Variants in MAN1A1 observed in about 807,000 individuals in gnomAD.
MAN1A1 encodes the protein mannosyl-oligosaccharide 1,2-alpha-mannosidase IA.
In MAN1A1, 29 loss-of-function variants were observed where a neutral mutation model predicts 70.8. The observed-to-expected ratio is 0.41, with a 90% CI of 0.31 to 0.56. The LOEUF is 0.56. Ranked by LOEUF, MAN1A1 falls within the 20% of genes least tolerant of loss-of-function variation. MAN1A1 has a pLI of 0.29. For synonymous variants in MAN1A1, 349 were observed against 330.1 expected (o/e 1.06, Z -0.62); for missense variants, 747 against 841.3 (o/e 0.89, Z 1.39).
intron 8 of MAN1A1, among the ~76,000 whole-genome samples, chr6:119,197,340 T>C (rs1035004986): frequency 6.7e-6 from 1 of 150,024 alleles, no homozygotes; most frequent in Non-Finnish European, 1.5e-5. Context: ...GGCAAAAAGA[T>C]AGATCAGATA....
chr6:119,298,008 G>A (rs1282851752), intron 4 of MAN1A1, among the ~76,000 whole-genome samples: 1 of 151,892 alleles, frequency 6.6e-6, no homozygotes. Flanking sequence ...CTTAGCTAGG[G>A]TTCTCTGACT....
chr6:119,340,198 T>C (rs1267485073), intron 2 of MAN1A1, among the ~76,000 whole-genome samples: 1 of 152,170 alleles, frequency 6.6e-6, no homozygotes, highest in Non-Finnish European at 1.5e-5. Flanking sequence ...GCTTCCCTAA[T>C]CATTCCACAG....
intron 3 of MAN1A1, among the ~76,000 whole-genome samples, chr6:119,306,194 C>T (rs542354173): frequency 3.2e-4 from 49 of 152,236 alleles, no homozygotes; most frequent in African/African-American, 1.1e-3. Context: ...CATCCTGTTA[C>T]TTACAGACAA....
chr6:119,213,627 C>T (rs147236607), intron 6 of MAN1A1, among the ~76,000 whole-genome samples: 24 of 152,256 alleles, frequency 1.6e-4, no homozygotes, highest in Middle Eastern at 3.4e-3. Flanking sequence ...CTTGCGACAT[C>T]TTCTGTGTTT....
chr6:119,313,341 C>G (rs1772763643), intron 2 of MAN1A1, among the ~76,000 whole-genome samples: 1 of 152,090 alleles, frequency 6.6e-6, no homozygotes, highest in Admixed American at 6.5e-5. Flanking sequence ...TGAGCGAGGG[C>G]CACCTCCAGT....
rs572246140 is a variant in MAN1A1, at chr6:119,316,266, C to T, written c.604-9274G>A. On this transcript the variant is annotated intron_variant, in intron 2 of 12. Coordinates refer to ENST00000368468, the MANE Select transcript of MAN1A1 (RefSeq NM_005907.4). Reference sequence around the variant, plus strand: ...GATCTTGGCTCACTGCAATCTCCACCTCCCGCGTTCAAGCGATTGTCCTGC... The same window carrying T: ...GATCTTGGCTCACTGCAATCTCCACTTCCCGCGTTCAAGCGATTGTCCTGC... Among the ~76,000 whole-genome samples, 27 of 151,508 alleles carry T rather than the reference C, an allele frequency of 1.8e-4. 1 individual carries two copies. The South Asian group carries it at 5.6e-3, about 32-fold the overall frequency.
intron 5 of MAN1A1, among the ~76,000 whole-genome samples, chr6:119,271,935 C>G (rs2299884): frequency 0.48 from 72,222 of 151,948 alleles, 17,589 homozygotes; most frequent in East Asian, 0.74. Flanking sequence ...CAGACAAGTA[C>G]CTCGTATCCT....
chr6:119,190,429 G>A (rs1264839639), intron 9 of MAN1A1, among the ~76,000 whole-genome samples: 1 of 152,194 alleles, frequency 6.6e-6, no homozygotes, highest in Non-Finnish European at 1.5e-5. Flanking sequence ...TCTCTAATTT[G>A]TGGGAGTGAA....
intron 4 of MAN1A1, among the ~76,000 whole-genome samples, chr6:119,294,682 C>A (rs1159529385): frequency 6.6e-6 from 1 of 151,910 alleles, no homozygotes; most frequent in African/African-American, 2.4e-5. Context: ...TTGGTTAAGA[C>A]CAACCAATAA....
chr6:119,225,977 T>G (rs1774503444), intron 6 of MAN1A1, among the ~76,000 whole-genome samples: 1 of 152,176 alleles, frequency 6.6e-6, no homozygotes, highest in African/African-American at 2.4e-5. Flanking sequence ...GCAAATTATG[T>G]AGGTAGATAT....
At chr6:119,250,372 C>T (rs1341758644) in intron 5 of MAN1A1, among the ~76,000 whole-genome samples, 1 of 152,232 alleles carries the variant, frequency 6.6e-6, no homozygotes, top group Non-Finnish European at 1.5e-5. Context: ...TCAGCTTCTC[C>T]AAACTGGGCA....
At position 119,256,383 on chromosome 6, in the gene MAN1A1, GATAA is replaced by G. The variant is rs1296704745; in HGVS notation, c.898-8033_898-8030del. 4.0e-5 allele frequency among the ~76,000 whole-genome samples: 6 copies of G among 149,654 alleles called. No homozygotes were observed. The East Asian group carries it at 1.2e-3, about 29-fold the overall frequency. The stretch of plus-strand genomic sequence containing the variant: ...CTCCTAGTCAAAATGAGTAAATGTT[GATAA>G]ATGAATGAATAAAATTGTATCTCAT... On this transcript the variant is annotated intron_variant, in intron 5 of 12. Transcript: ENST00000368468.
intron 5 of MAN1A1, among the ~76,000 whole-genome samples, chr6:119,250,689 T>G (rs1582735999): frequency 6.6e-6 from 1 of 151,416 alleles, no homozygotes; most frequent in South Asian, 2.1e-4. Flanking sequence ...TGTCAGTTAC[T>G]CCCCACCTGC....
Position 119,291,545 on chromosome 6 carries a change from G to C in MAN1A1, c.817-782C>G, listed in dbSNP as rs201769166. 6.6e-5 allele frequency among the ~76,000 whole-genome samples: 10 copies of C among 150,470 alleles called. No homozygotes were observed. In the East Asian group the frequency reaches 2.0e-3, roughly 29 times the overall value. On this transcript the variant is annotated intron_variant, in intron 4 of 12. Transcript: ENST00000368468. Reference sequence around the variant, plus strand: ...CCAGGGCATTTTTTTTTTCTGCTCTGCATTCTCCTTTATTTTATTCATTTG... The same window carrying C: ...CCAGGGCATTTTTTTTTTCTGCTCTCCATTCTCCTTTATTTTATTCATTTG...
At chr6:119,212,423 T>A (rs1329506378) in intron 6 of MAN1A1, among the ~76,000 whole-genome samples, 1 of 152,166 alleles carries the variant, frequency 6.6e-6, no homozygotes, top group Non-Finnish European at 1.5e-5. Context: ...AGTAAGCACT[T>A]CGGGGATGCA....
At chr6:119,287,403 GTCA>G (rs1449809211) in intron 5 of MAN1A1, among the ~76,000 whole-genome samples, 1 of 151,996 alleles carries the variant, frequency 6.6e-6, no homozygotes, top group African/African-American at 2.4e-5. Flanking sequence ...TTCTACATGT[GTCA>G]TCTTCTCTTG....
At chr6:119,236,515 C>T (rs1774848591) in intron 6 of MAN1A1, among the ~76,000 whole-genome samples, 1 of 152,014 alleles carries the variant, frequency 6.6e-6, no homozygotes, top group African/African-American at 2.4e-5. Flanking sequence ...TCCTGACCTC[C>T]TGGCCAACAA....
At chr6:119,189,453 G>A (rs1254666914) in intron 10 of MAN1A1, among the ~76,000 whole-genome samples, 2 of 152,044 alleles carry the variant, frequency 1.3e-5, no homozygotes, top group Non-Finnish European at 2.9e-5. Flanking sequence ...TTTATGGCCT[G>A]GATTTTTGTT....
chr6:119,341,888 G>A (rs747899533), intron 2 of MAN1A1, among the ~76,000 whole-genome samples: 1 of 152,136 alleles, frequency 6.6e-6, no homozygotes, highest in African/African-American at 2.4e-5. Flanking sequence ...TGCCGAGGTG[G>A]GAGGACTGCT....
Sources: allele counts gnomAD v4.1 joint callset (sites outside exome capture counted in the v4.1 genomes callset), GRCh38; gene constraint gnomAD v4.1.1; transcripts MANE v1.5; gene names NCBI Gene and HGNC (gene_info 2026-07-23, HGNC 2026-07-21).